The following LIFR variants were observed in gnomAD, a reference collection of about 807,000 sequenced individuals.
LIFR encodes LIF receptor subunit alpha.
In LIFR, 84 loss-of-function variants were observed where a neutral mutation model predicts 122.2. The observed-to-expected ratio is 0.69, with a 90% CI of 0.58 to 0.82. The LOEUF (loss-of-function observed/expected upper bound fraction) is 0.82. LIFR is among the 40% of genes least tolerant of loss of function. The pLI is 0.00. For missense variants in LIFR, 1,294 were observed against 1,311.6 expected (o/e 0.99, Z 0.21); for synonymous variants, 422 against 434.7 (o/e 0.97, Z 0.36).
intron 1 of LIFR, among the ~76,000 whole-genome samples, chr5:38,580,201 C>T (rs763472103): frequency 2.6e-5 from 4 of 152,122 alleles, no homozygotes; most frequent in Non-Finnish European, 4.4e-5. Context: ...ATCCTTGTAC[C>T]TCCTCCACTG....
intron 7 of LIFR, among the ~76,000 whole-genome samples, chr5:38,509,491 G>A (rs1394518350): frequency 6.6e-6 from 1 of 152,150 alleles, no homozygotes; most frequent in Non-Finnish European, 1.5e-5. Flanking sequence ...ATCAGTATCT[G>A]AATGAAATTC....
At chr5:38,589,946 T>C (rs980182414) in intron 1 of LIFR, among the ~76,000 whole-genome samples, 8 of 152,188 alleles carry the variant, frequency 5.3e-5, no homozygotes, top group African/African-American at 1.9e-4. Flanking sequence ...AACCAAACCA[T>C]CTATGTAGTT....
At chr5:38,509,649 A>G (rs1745688250) in intron 7 of LIFR, among the ~76,000 whole-genome samples, 1 of 152,194 alleles carries the variant, frequency 6.6e-6, no homozygotes, top group South Asian at 2.1e-4. Flanking sequence ...TATTCAGGCG[A>G]CCTTTAGACC....
chr5:38,605,416 A>G (rs80061398), intron 2 of LIFR, among the ~76,000 whole-genome samples: 2,805 of 152,226 alleles, frequency 0.018, 74 homozygotes, highest in African/African-American at 0.063. Flanking sequence ...AAGTTTTCTC[A>G]TCTGTAAAAT....
intron 1 of LIFR, among the ~76,000 whole-genome samples, chr5:38,579,995 T>C (rs181887600): frequency 1.0e-3 from 156 of 152,334 alleles, no homozygotes; most frequent in Admixed American, 3.1e-3. Flanking sequence ...TAAATCCTTC[T>C]CATTACTATG....
intron 14 of LIFR, among the ~76,000 whole-genome samples, chr5:38,492,664 A>AC (rs989481263): frequency 6.6e-6 from 1 of 152,190 alleles, no homozygotes; most frequent in Non-Finnish European, 1.5e-5. Context: ...AATGAATGGG[A>AC]CCCATCCTCA....
chr5:38,559,187 T>G (rs1257093965), upstream of LIFR: 2 of 152,178 alleles, frequency 1.3e-5, no homozygotes, highest in African/African-American at 4.8e-5. Flanking sequence ...GGTAAGAAAT[T>G]TAGGGATTTG....
intron 5 of LIFR, among the ~76,000 whole-genome samples, chr5:38,519,968 T>C (rs1746314019): frequency 6.6e-6 from 1 of 152,222 alleles, no homozygotes; most frequent in Admixed American, 6.5e-5. Flanking sequence ...TGATTTATTT[T>C]CCTTTGGACA....
At chr5:38,532,517 C>T (rs1203307497) in intron 1 of LIFR, among the ~76,000 whole-genome samples, 3 of 152,140 alleles carry the variant, frequency 2.0e-5, no homozygotes, top group Non-Finnish European at 2.9e-5. Context: ...GCAACAGCCA[C>T]GGATCAAAGA....
intron 4 of LIFR, among the ~76,000 whole-genome samples, chr5:38,524,779 T>C (rs564586886): frequency 6.6e-6 from 1 of 152,226 alleles, no homozygotes; most frequent in South Asian, 2.1e-4. Context: ...CAGCCAAAGC[T>C]CCTTTTAGGG....
In LIFR at chr5:38,489,243, G is replaced by C. The variant is rs863225047; in HGVS notation, c.2170C>G (p.Pro724Ala). 1.2e-6 allele frequency: 2 copies of C among 1,611,740 alleles called. No individual in the cohort carries two copies. Among genetic ancestry groups the C allele is most frequent in the Non-Finnish European group, 8.5e-7 (1 of 1,179,070 alleles). The change falls in exon 16 of 20, where the codon CCC becomes GCC. Residue 724 changes from proline (P) to alanine (A), a missense_variant and splice_region_variant. Coordinates refer to ENST00000453190, the MANE Select transcript of LIFR (RefSeq NM_001127671.2). ...SMIGYIEELAPIVAPNFTVED... is the reference protein window; with the variant it reads ...SMIGYIEELAAIVAPNFTVED... ...ACAGTAAAATTTGGTGCAACAATGG[G>C]AGCTGTAAAAGGAAAAAGTCAATTG...
At chr5:38,532,925 G>A (rs1467047412) in intron 1 of LIFR, among the ~76,000 whole-genome samples, 1 of 152,166 alleles carries the variant, frequency 6.6e-6, no homozygotes, top group East Asian at 1.9e-4. Context: ...GATTTCAGGA[G>A]CTAACTTTCA....
intron 4 of LIFR, among the ~76,000 whole-genome samples, chr5:38,525,866 C>T (rs1381931023): frequency 1.3e-5 from 2 of 152,158 alleles, no homozygotes; most frequent in African/African-American, 2.4e-5. Context: ...TTATGAAACA[C>T]GGGAGTATTT....
chr5:38,589,479 A>G (rs980951199), intron 1 of LIFR, among the ~76,000 whole-genome samples: 9 of 152,216 alleles, frequency 5.9e-5, no homozygotes, highest in African/African-American at 2.2e-4. Flanking sequence ...TACAACAGCT[A>G]GTTCTCAAGT....
intron 13 of LIFR, among the ~76,000 whole-genome samples, chr5:38,495,421 T>C (rs1182081923): frequency 6.6e-6 from 1 of 152,170 alleles, no homozygotes; most frequent in Non-Finnish European, 1.5e-5. Context: ...TCCCAGCACC[T>C]GCCACAACCC....
intron 16 of LIFR, 77 bp downstream of exon 16, chr5:38,489,001 G>A: frequency 8.1e-7 from 1 of 1,237,118 alleles, no homozygotes; most frequent in Middle Eastern, 2.2e-4. Flanking sequence ...CTACTGAGCA[G>A]GACTTTCCTT....
chr5:38,508,226 A>C (rs1380749249), intron 7 of LIFR, among the ~76,000 whole-genome samples: 1 of 152,226 alleles, frequency 6.6e-6, no homozygotes, highest in Non-Finnish European at 1.5e-5. Flanking sequence ...CTACTAGGTT[A>C]AAAGCTAGGT....
intron 2 of LIFR, among the ~76,000 whole-genome samples, chr5:38,530,112 T>C (rs1407740003): frequency 6.6e-6 from 1 of 152,160 alleles, no homozygotes; most frequent in Non-Finnish European, 1.5e-5. Flanking sequence ...ACAGTGTCTA[T>C]GGAGACAAGG....
rs151050270 is a variant in LIFR, at chr5:38,565,479, G to A, written c.-20+29782C>T. Among the ~76,000 whole-genome samples the A allele has an allele frequency of 1.6e-4, 24 of 152,272 alleles. No individual in the cohort carries two copies. In the East Asian group the frequency reaches 3.9e-3, roughly 24 times the overall value. On this transcript the variant is annotated intron_variant, in intron 1 of 19. Coordinates refer to the LIFR transcript ENST00000263409. ...AAGGTAAATTCCTACATGAAGGAAG[G>A]TGGGAAGGGCAGACAGTGCCTTCAT... is the stretch of plus-strand genomic sequence containing the variant.
Sources: allele counts gnomAD v4.1 joint callset (sites outside exome capture counted in the v4.1 genomes callset), GRCh38; gene constraint gnomAD v4.1.1; transcripts MANE v1.5; gene names NCBI Gene and HGNC (gene_info 2026-07-23, HGNC 2026-07-21).